The following FRMPD3 variants were observed in gnomAD, a reference collection of about 807,000 sequenced individuals.
FRMPD3 encodes FERM and PDZ domain-containing protein 3.
Under a neutral mutation model 97.9 loss-of-function variants are expected in FRMPD3, and 42 were observed. The observed-to-expected ratio is 0.43, with a 90% CI of 0.34 to 0.55. FRMPD3 has a LOEUF of 0.55. FRMPD3 is among the 20% of genes least tolerant of loss of function. FRMPD3 has a pLI of 0.03. For synonymous variants in FRMPD3, 577 were observed against 581.1 expected, an observed-to-expected ratio of 0.99 and a Z score of 0.10; for missense variants, 1,303 against 1,457.7, an observed-to-expected ratio of 0.89 and a Z score of 1.73.
intron 1 of FRMPD3, among the ~76,000 whole-genome samples, chrX:107,520,795 A>T (rs755175034): frequency 8.7e-4 from 98 of 112,344 alleles, no homozygotes; most frequent in African/African-American, 3.0e-3. Context: ...TATATCCTTC[A>T]GCAAATTACT....
intron 1 of FRMPD3, among the ~76,000 whole-genome samples, chrX:107,503,478 C>G (rs1470515569): frequency 1.8e-5 from 2 of 112,438 alleles, no homozygotes; most frequent in Non-Finnish European, 3.8e-5. Context: ...AGCAAGATGT[C>G]CCTGTTCCCA....
At chrX:107,560,496 G>T in intron 9 of FRMPD3, 103 bp downstream of exon 9, 1 of 1,042,523 alleles carries the variant, frequency 9.6e-7, no homozygotes. Context: ...TAGGACATGG[G>T]ATGGGAGTGA....
intron 13 of FRMPD3, among the ~76,000 whole-genome samples, chrX:107,586,426 T>G (rs940438014): frequency 5.4e-5 from 6 of 110,300 alleles, no homozygotes; most frequent in Admixed American, 4.9e-4. Flanking sequence ...TTTGGAGTGT[T>G]TTTTGTGTTT....
chrX:107,504,187 T>C (rs1473742038), intron 1 of FRMPD3, among the ~76,000 whole-genome samples: 1 of 112,756 alleles, frequency 8.9e-6, no homozygotes, highest in African/African-American at 3.2e-5. Context: ...GTGGAGTCTG[T>C]CTGTTCCACA....
At chrX:107,502,002 G>A (rs1424431244) in intron 1 of FRMPD3, among the ~76,000 whole-genome samples, 1 of 110,858 alleles carries the variant, frequency 9.0e-6, no homozygotes, top group East Asian at 2.8e-4. Flanking sequence ...CCACAGGGGA[G>A]GGCACATTAT....
Position 107,601,485 on chromosome X carries a change from C to T in FRMPD3, c.3446C>T (p.Pro1149Leu). 1 of 1,170,495 alleles carries T rather than the reference C, an allele frequency of 8.5e-7. No homozygotes were observed. ...AGAAGCCACAGCCCCAGCTGCCAGC[C>T]TCATGGCCACAGCCCCAGCAGCCAG... ...QSRSHSPSCQ[P>L]HGHSPSSQSR... The change falls in exon 15 of 15, where the codon CCT becomes CTT. Residue 1149 changes from proline to leucine, a missense_variant. Pro to Leu is a moderately conservative substitution (Grantham distance 98). Around this residue, in one of 3 missense-constraint regions of FRMPD3, gnomAD observed 764 missense variants for 820.2 expected, o/e 0.93. Coordinates refer to ENST00000683843, the MANE Select transcript of FRMPD3 (RefSeq NM_001388459.1).
chrX:107,572,612 C>T (rs1182457286), intron 12 of FRMPD3, among the ~76,000 whole-genome samples: 1 of 110,736 alleles, frequency 9.0e-6, no homozygotes, highest in African/African-American at 3.3e-5. Context: ...GTGGCACACA[C>T]CTGTAATCCC....
chrX:107,498,984 T>C (rs970872388), intron 1 of FRMPD3, among the ~76,000 whole-genome samples: 1 of 110,820 alleles, frequency 9.0e-6, no homozygotes, highest in Non-Finnish European at 1.9e-5. Context: ...GGGTGTCATC[T>C]TGAACCTTTC....
In FRMPD3 at chrX:107,597,589, C is replaced by T. The variant is rs369440568; in HGVS notation, c.1710C>T (p.Gly570=). 1 of 1,210,804 alleles carries T rather than the reference C, an allele frequency of 8.3e-7. No homozygotes were observed. The highest frequency in any genetic ancestry group is 3.0e-5 in the East Asian group (1 of 33,842). Residue 570 remains glycine (G), a synonymous_variant, in exon 14 of 15, where the codon GGC becomes GGT. Transcript: ENST00000683843. The part of the protein sequence containing the change: ...TKSDPTSKSS[G]QGYEVVPDDF... ...CTGACCCCACATCCAAAAGCTCTGG[C>T]CAAGGTTATGAGGTAGTCCCTGATG...
chrX:107,505,030 G>A lies in FRMPD3; in HGVS notation c.-7-21552G>A, dbSNP rs143462867. Among the ~76,000 whole-genome samples, 9 of 112,429 alleles carry A rather than the reference G, an allele frequency of 8.0e-5. No individual in the cohort carries two copies. The East Asian group carries it at 2.5e-3, about 31-fold the overall frequency. On this transcript the variant is annotated intron_variant, in intron 1 of 14. Transcript: ENST00000683843. ...ACAGAGCAGAGACTCCCACCCAGGT[G>A]CAGGCTGAGTGATTCAAGGAAGATG...
At chrX:107,457,022 C>G (rs965272217) in intron 1 of FRMPD3, among the ~76,000 whole-genome samples, 1 of 111,299 alleles carries the variant, frequency 9.0e-6, no homozygotes, top group Non-Finnish European at 1.9e-5. Context: ...TAGAGGAAAC[C>G]TGATTTACCT....
chrX:107,532,927 T>A (rs1376443352), intron 3 of FRMPD3, among the ~76,000 whole-genome samples: 1 of 112,321 alleles, frequency 8.9e-6, no homozygotes, highest in African/African-American at 3.2e-5. Context: ...ATATTCTTCA[T>A]TCTTTTGAAT....
chrX:107,502,553 C>G lies in FRMPD3; in HGVS notation c.-7-24029C>G, dbSNP rs769230554. Among the ~76,000 whole-genome samples, 37 of 111,387 alleles carry G rather than the reference C, an allele frequency of 3.3e-4. 1 individual carries two copies. Among genetic ancestry groups the G allele is most frequent in the Non-Finnish European group, 6.2e-4 (33 of 53,050 alleles). On this transcript the variant is annotated intron_variant, in intron 1 of 14. Transcript: ENST00000683843. Reference sequence around the variant, plus strand: ...CCAGTCCCCTCCCGATCCTCCACCCCTGCTGCCTACTTTGCCTTCATTCTG... The same window carrying G: ...CCAGTCCCCTCCCGATCCTCCACCCGTGCTGCCTACTTTGCCTTCATTCTG...
At chrX:107,460,251 A>G (rs150379996) in intron 1 of FRMPD3, among the ~76,000 whole-genome samples, 1,251 of 111,400 alleles carry the variant, frequency 0.011, 18 homozygotes, top group African/African-American at 0.039. Context: ...CAATTTGGAG[A>G]TTCTTCTACA....
intron 13 of FRMPD3, among the ~76,000 whole-genome samples, chrX:107,580,877 T>A (rs5917058): frequency 0.059 from 6,492 of 110,893 alleles, 212 homozygotes; most frequent in Middle Eastern, 0.18. Context: ...GGCAACATGG[T>A]CTATGGAAAA....
chrX:107,560,266 G>T lies in FRMPD3; in HGVS notation c.772G>T (p.Asp258Tyr). 8.3e-7 allele frequency: 1 copy of T among 1,208,472 alleles called. No individual in the cohort carries two copies. Among genetic ancestry groups the T allele is most frequent in the South Asian group, 1.8e-5 (1 of 56,797 alleles). Residue 258 changes from aspartate (D) to tyrosine (Y), a missense_variant, in exon 9 of 15, where the codon GAT (aspartate) becomes TAT (tyrosine). Asp to Tyr is a radical substitution (Grantham distance 160). Coordinates refer to ENST00000683843, the MANE Select transcript of FRMPD3 (RefSeq NM_001388459.1). ...FEYLYIQSRN[D>Y]VIRERFGMDP... The stretch of plus-strand genomic sequence containing the variant: ...CTGCCCTCTCTCACAGAGTCGGAAT[G>T]ATGTTATTCGAGAACGCTTTGGAAT...
Position 107,536,363 on chromosome X carries a change from C to A in FRMPD3, c.297+2813C>A, listed in dbSNP as rs1481256725. On this transcript the variant is annotated intron_variant, in intron 4 of 14. Coordinates refer to ENST00000683843, the MANE Select transcript of FRMPD3 (RefSeq NM_001388459.1). The stretch of plus-strand genomic sequence containing the variant: ...AGAGCGAGGCCACTTCTCTAAAAAA[C>A]AAGCAAAAATAATATATAAATATAA... Among the ~76,000 whole-genome samples, 6 of 111,137 alleles carry A rather than the reference C, an allele frequency of 5.4e-5. No homozygotes were observed. The East Asian group carries it at 1.7e-3, about 31-fold the overall frequency.
Position 107,449,995 on chromosome X carries a change from G to A in FRMPD3, c.-18G>A, listed in dbSNP as rs1931249549. 9.0e-6 allele frequency among the ~76,000 whole-genome samples: 1 copy of A among 110,928 alleles called. No individual in the cohort carries two copies. Among genetic ancestry groups the A allele is most frequent in the African/African-American group, 3.2e-5 (1 of 30,878 alleles). ...AGGAGGAAGAGGAGGAGGAAGAGGA[G>A]GGGGAGGAAGGTAAGAGGCGCGCTG... On this transcript the variant is annotated 5_prime_UTR_variant, in exon 1 of 15. Coordinates refer to ENST00000683843, the MANE Select transcript of FRMPD3 (RefSeq NM_001388459.1).
At chrX:107,453,544 T>A (rs1397970002) in intron 1 of FRMPD3, among the ~76,000 whole-genome samples, 1 of 111,704 alleles carries the variant, frequency 9.0e-6, no homozygotes, top group Non-Finnish European at 1.9e-5. Flanking sequence ...TTTTCCTTTT[T>A]ACCATAAGTT....
Sources: gnomAD v4.1 joint callset for allele counts (sites outside exome capture counted in the v4.1 genomes callset) on GRCh38, gnomAD v4.1.1 for gene constraint, gnomAD v4.1.1 regional missense constraint, MANE v1.5 for transcripts, NCBI Gene and HGNC (gene_info 2026-07-23, HGNC 2026-07-21) for gene names.